The following MEMO1 variants were observed in gnomAD, a reference collection of about 807,000 sequenced individuals.
MEMO1 encodes the protein mediator of cell motility 1, also known as protein MEMO1.
In MEMO1, 6 loss-of-function variants were observed where a neutral mutation model predicts 45.2. That is an observed-to-expected ratio of 0.13 (90% CI 0.07 to 0.26). The LOEUF is 0.26. Ranked by LOEUF, MEMO1 falls within the 10% of genes least tolerant of loss-of-function variation. MEMO1 has a pLI of 1.00. For synonymous variants in MEMO1, 78 were observed against 124.3 expected (o/e 0.63, Z 2.48); for missense variants, 184 against 370.5 (o/e 0.50, Z 4.13).
chr2:31,872,937 T>C (rs1242056898), intron 8 of MEMO1, among the ~76,000 whole-genome samples: 1 of 152,150 alleles, frequency 6.6e-6, no homozygotes, highest in African/African-American at 2.4e-5. Flanking sequence ...CATTATTAAC[T>C]AATACAGGAT....
intron 2 of MEMO1, among the ~76,000 whole-genome samples, chr2:31,953,127 G>C (rs1055395867): frequency 7.2e-5 from 11 of 151,972 alleles, no homozygotes; most frequent in African/African-American, 2.7e-4. Context: ...CCAGCACTTT[G>C]GGAGGCCAAA....
rs181713481 is a variant in MEMO1, at chr2:32,003,415, A to G, written c.61+6772T>C. Among the ~76,000 whole-genome samples, 1,477 of 152,274 alleles carry G rather than the reference A, an allele frequency of 9.7e-3. 26 individuals are homozygous for G. Among genetic ancestry groups the G allele is most frequent in the South Asian group, 0.048 (232 of 4,824 alleles). ...TAATATAACCACTATTTGCCAAGGG[A>G]AAAAAAGCAAAGAAATGTTCTATTT... On this transcript the variant is annotated intron_variant, in intron 2 of 9. Coordinates refer to ENST00000404530, the MANE Select transcript of MEMO1 (RefSeq NM_001301833.4).
rs201867050 is a variant in MEMO1 at position 31,881,033 on chromosome 2, T to TA, written c.657+2352dup. On this transcript the variant is annotated intron_variant, in intron 8 of 9. Transcript: ENST00000404530. ...AGGGAGACACTGTCTCACAAAAAAATAAAAAAAGAAAGAAAAGAAGGAAAA... is the reference window on the plus strand; with the variant it reads ...AGGGAGACACTGTCTCACAAAAAAATAAAAAAAAGAAAGAAAAGAAGGAAAA... 7.4e-3 allele frequency among the ~76,000 whole-genome samples: 1,077 copies of TA among 144,638 alleles called. 12 individuals carry two copies. The highest frequency in any genetic ancestry group is 0.026 in the African/African-American group (1,026 of 39,112). 94.9% of individuals were successfully genotyped at this position (144,638 alleles called of 152,430 possible).
chr2:32,010,286 G>A (rs1674700665), intron 1 of MEMO1, 22 bp from the exon 2 acceptor site: 2 of 1,374,546 alleles, frequency 1.5e-6, no homozygotes, highest in South Asian at 1.3e-5. Flanking sequence ...GAGGATGAAT[G>A]AGGAGGCGGC....
At chr2:31,905,247 A>G (rs1679495081) in intron 6 of MEMO1, among the ~76,000 whole-genome samples, 1 of 152,120 alleles carries the variant, frequency 6.6e-6, no homozygotes, top group Non-Finnish European at 1.5e-5. Context: ...AAAAGAAACA[A>G]AAAAAGATCC....
intron 3 of MEMO1, among the ~76,000 whole-genome samples, chr2:31,940,209 C>A (rs1048901416): frequency 5.3e-5 from 8 of 152,170 alleles, no homozygotes; most frequent in Non-Finnish European, 1.2e-4. Context: ...AAACTCTTCT[C>A]CTGTTTATCT....
At chr2:32,002,168 A>AAAATAT (rs1553383012) in intron 2 of MEMO1, among the ~76,000 whole-genome samples, 2 of 74,894 alleles carry the variant, frequency 2.7e-5, no homozygotes, top group African/African-American at 6.2e-5. Flanking sequence ...AAAAAAAAAA[A>AAAATAT]ATATATATAT....
chr2:32,009,540 T>C (rs1467285667), intron 2 of MEMO1, among the ~76,000 whole-genome samples: 2 of 152,068 alleles, frequency 1.3e-5, no homozygotes, highest in Non-Finnish European at 2.9e-5. Context: ...CGGAGCCCCT[T>C]AAAGGTGCGG....
At chr2:32,010,057 G>C in intron 2 of MEMO1, 130 bp downstream of exon 2, 1 of 272,704 alleles carries the variant, frequency 3.7e-6, no homozygotes, top group Non-Finnish European at 5.5e-6. Context: ...CACGCGGTCC[G>C]CGCCCGGCGG....
intron 2 of MEMO1, among the ~76,000 whole-genome samples, chr2:32,004,953 C>T (rs72796847): frequency 9.0e-4 from 136 of 151,266 alleles, no homozygotes; most frequent in Non-Finnish European, 1.7e-3. Flanking sequence ...TTACCATTTG[C>T]ATAGACCATG....
At chr2:31,953,500 G>A (rs1153119) in intron 2 of MEMO1, among the ~76,000 whole-genome samples, 151,233 of 151,240 alleles carry the variant, frequency 1, 75,613 homozygotes, top group Middle Eastern at 1. Context: ...CTGTCACCCA[G>A]GCTGGAGTGC....
At chr2:31,883,287 G>GA (rs1675685875) in intron 8 of MEMO1, 99 bp downstream of exon 8, 3 of 867,416 alleles carry the variant, frequency 3.5e-6, no homozygotes, top group Admixed American at 2.8e-5. Context: ...TAAAGATAGG[G>GA]AAAAAATATA....
chr2:31,943,905 C>T (rs1665906081), intron 2 of MEMO1, among the ~76,000 whole-genome samples: 1 of 152,158 alleles, frequency 6.6e-6, no homozygotes, highest in South Asian at 2.1e-4. Context: ...TTTCAAGCAT[C>T]TCAGCTTCTT....
At chr2:31,978,830 T>C (rs1007060754) in intron 2 of MEMO1, among the ~76,000 whole-genome samples, 3 of 152,210 alleles carry the variant, frequency 2.0e-5, no homozygotes, top group African/African-American at 7.2e-5. Flanking sequence ...CCAAGCAACA[T>C]CTAATAATTT....
chr2:31,886,841 T>C (rs1000313028), intron 7 of MEMO1, among the ~76,000 whole-genome samples: 2 of 152,180 alleles, frequency 1.3e-5, no homozygotes, highest in Non-Finnish European at 2.9e-5. Context: ...TTTGAGCCCC[T>C]GTTTCAACTC....
intron 2 of MEMO1, among the ~76,000 whole-genome samples, chr2:32,001,032 ATTTTTTTTTTTTT>A (rs66617379): frequency 2.9e-5 from 3 of 104,558 alleles, no homozygotes; most frequent in Non-Finnish European, 5.6e-5. Context: ...ATAAATTTTG[ATTTTTTTTTTTTT>A]TTTTTTTTTT....
chr2:31,919,102 ACT>A (rs1020527963), intron 5 of MEMO1, among the ~76,000 whole-genome samples: 4 of 150,486 alleles, frequency 2.7e-5, no homozygotes, highest in African/African-American at 4.9e-5. Flanking sequence ...TTGCAAATGG[ACT>A]CTTTTATTAT....
At chr2:31,946,862 ACTGTATTTT>A (rs1025287039) in intron 2 of MEMO1, among the ~76,000 whole-genome samples, 1 of 152,216 alleles carries the variant, frequency 6.6e-6, no homozygotes, top group African/African-American at 2.4e-5. Context: ...AAACTGCAAT[ACTGTATTTT>A]TACTCTACCT....
chr2:31,921,152 A>G (rs1682263977), intron 4 of MEMO1, among the ~76,000 whole-genome samples: 2 of 152,184 alleles, frequency 1.3e-5, no homozygotes, highest in Admixed American at 1.3e-4. Flanking sequence ...AAATGAGGCC[A>G]TTAGAGTGGG....
Sources: gnomAD v4.1 joint callset for allele counts (sites outside exome capture counted in the v4.1 genomes callset) on GRCh38, gnomAD v4.1.1 for gene constraint, MANE v1.5 for transcripts, NCBI Gene and HGNC (gene_info 2026-07-23, HGNC 2026-07-21) for gene names.